The following PSMC2 variants were observed in gnomAD, a reference collection of about 807,000 sequenced individuals.
PSMC2 encodes 26S proteasome regulatory subunit 7.
Under a neutral mutation model 53.3 loss-of-function variants are expected in PSMC2, and 7 were observed. That is an observed-to-expected ratio of 0.13 (90% CI 0.07 to 0.25). The LOEUF (loss-of-function observed/expected upper bound fraction) is 0.25, where lower values mean the gene tolerates loss of function less well. PSMC2 is among the 10% of genes least tolerant of loss of function. PSMC2 has a pLI of 1.00. For missense variants in PSMC2, 241 were observed against 544.0 expected (o/e 0.44, Z 5.54); for synonymous variants, 169 against 183.9 (o/e 0.92, Z 0.66).
intron 1 of PSMC2, 98 bp downstream of exon 1, chr7:103,347,879 C>A: frequency 7.3e-7 from 1 of 1,377,774 alleles, no homozygotes; most frequent in Non-Finnish European, 1.0e-6. Flanking sequence ...TGGCTCTGTG[C>A]TCTGGCCCTT....
intron 5 of PSMC2, chr7:103,362,295 G>A: frequency 2.2e-6 from 3 of 1,393,534 alleles, no homozygotes; most frequent in Non-Finnish European, 2.8e-6. Context: ...TCCCACTGTT[G>A]TTTATTATGA....
chr7:103,362,795 T>G, intron 6 of PSMC2, 37 bp downstream of exon 6: 1 of 209,200 alleles, frequency 4.8e-6, no homozygotes. Flanking sequence ...AGGCTATGTC[T>G]TTTTTTTTTT....
In PSMC2 at chr7:103,353,864, T is replaced by A. The variant is rs572657849; in HGVS notation, c.71-57T>A. On this transcript the variant is annotated intron_variant, in intron 1 of 11. Coordinates refer to ENST00000292644, the MANE Select transcript of PSMC2 (RefSeq NM_002803.4). ...AGAAAAAAAGCTCTAGTTTCTTTTT[T>A]AAAAATTTTAATTCTAGTTTCTTTT... 2.4e-5 allele frequency: 35 copies of A among 1,478,580 alleles called. No individual in the cohort carries two copies. In the African/African-American group the frequency reaches 4.2e-4, roughly 18 times the overall value. The allele number at this position is 1,478,580 out of a possible 1,614,324, so 91.6% of individuals were successfully genotyped here. A position where few individuals can be genotyped will look rare whatever the true frequency, so the allele number is the denominator to read the frequency against.
In PSMC2 at chr7:103,367,453, G is replaced by C; in HGVS notation, c.885G>C (p.Val295=). The C allele has an allele frequency of 1.2e-6, 2 of 1,614,050 alleles. No homozygotes were observed. The highest frequency in any genetic ancestry group is 1.7e-6 in the Non-Finnish European group (2 of 1,180,008). Residue 295 remains valine, a synonymous_variant, in exon 10 of 12, where the codon GTG becomes GTC. Transcript: ENST00000292644. This position sits in a 1 kb window ranked among gnomAD's most constrained non-coding sequence, Gnocchi z 6.1. ...FDDGAGGDNE[V]QRTMLELINQ... ...ATGGTGCTGGAGGTGACAATGAAGTGCAGAGAACAATGTTGGAACTGATCA... is the reference window on the plus strand; with the variant it reads ...ATGGTGCTGGAGGTGACAATGAAGTCCAGAGAACAATGTTGGAACTGATCA...
intron 8 of PSMC2, among the ~76,000 whole-genome samples, chr7:103,364,958 C>CATACATATATATATATATATATATATAT (rs374432802): frequency 9.6e-5 from 12 of 125,484 alleles, no homozygotes; most frequent in African/African-American, 3.5e-4. Flanking sequence ...TGTAGACATA[C>CATACATATATATATATATATATATATAT]ATATATATAT....
chr7:103,361,231 C>T (rs921150625), intron 4 of PSMC2, among the ~76,000 whole-genome samples: 2 of 151,790 alleles, frequency 1.3e-5, no homozygotes, highest in African/African-American at 4.8e-5. Context: ...CGCCTGTAAT[C>T]CCAGCACTTT....
At chr7:103,351,257 A>G (rs1405495082) in intron 1 of PSMC2, among the ~76,000 whole-genome samples, 1 of 152,212 alleles carries the variant, frequency 6.6e-6, no homozygotes, top group Non-Finnish European at 1.5e-5. Context: ...ACTCATGGCT[A>G]TGATGTATTT....
At chr7:103,348,553 G>C (rs1011674879) in intron 1 of PSMC2, 16 of 765,146 alleles carry the variant, frequency 2.1e-5, no homozygotes, top group Non-Finnish European at 3.8e-5. Flanking sequence ...ATTTGTTGCT[G>C]TTATAAAACA....
At chr7:103,361,617 T>G (rs1820420428) in intron 4 of PSMC2, among the ~76,000 whole-genome samples, 1 of 151,750 alleles carries the variant, frequency 6.6e-6, no homozygotes, top group African/African-American at 2.4e-5. Context: ...GATGACCATC[T>G]TTTTGTAGGG....
Position 103,367,279 on chromosome 7 carries a change from G to C in PSMC2, c.845-134G>C. On this transcript the variant is annotated intron_variant, in intron 9 of 11. Transcript: ENST00000292644. The surrounding 1 kb of genome is among the most constrained non-coding windows in gnomAD (Gnocchi z 6.1). Reference sequence around the variant, plus strand: ...TTATATAAAGCAAGCTGTTCTTACAGGATTTGCTTCAAAGTGGGATGTCAC... The same window carrying C: ...TTATATAAAGCAAGCTGTTCTTACACGATTTGCTTCAAAGTGGGATGTCAC... The C allele has an allele frequency of 1.4e-6, 1 of 692,842 alleles. No individual in the cohort carries two copies. The highest frequency in any genetic ancestry group is 1.8e-5 in the South Asian group (1 of 54,272). 42.9% of individuals were successfully genotyped at this position (692,842 alleles called of 1,614,324 possible).
At chr7:103,366,609 A>T (rs1820732031) in intron 9 of PSMC2, among the ~76,000 whole-genome samples, 1 of 152,218 alleles carries the variant, frequency 6.6e-6, no homozygotes, top group African/African-American at 2.4e-5. Flanking sequence ...TGGGATGCTC[A>T]GTCTATATCT....
Position 103,347,784 on chromosome 7 carries a change from C to A in PSMC2, c.70+3C>A. ...GAAGGACGACAAGCCCATCCGAGGTCAGTTGACATGGGCCGGAGCTCGGAG... is the reference window on the plus strand; with the variant it reads ...GAAGGACGACAAGCCCATCCGAGGTAAGTTGACATGGGCCGGAGCTCGGAG... On this transcript the variant is annotated splice_donor_region_variant and intron_variant, in intron 1 of 11. Coordinates refer to ENST00000292644, the MANE Select transcript of PSMC2 (RefSeq NM_002803.4). 1 of 1,613,792 alleles carries A rather than the reference C, an allele frequency of 6.2e-7. No homozygotes were observed. The highest frequency in any genetic ancestry group is 1.1e-5 in the South Asian group (1 of 91,050).
At chr7:103,354,799 T>C (rs750235090) in intron 2 of PSMC2, 69 bp from the exon 3 acceptor site, 4 of 1,003,918 alleles carry the variant, frequency 4.0e-6, no homozygotes, top group Non-Finnish European at 6.1e-6. Flanking sequence ...TTAAAAATAA[T>C]TTTTACCTGT....
chr7:103,367,697 A>T lies in PSMC2; in HGVS notation c.1048-16A>T. 6.2e-7 allele frequency: 1 copy of T among 1,608,590 alleles called. No individual in the cohort carries two copies. Among genetic ancestry groups the T allele is most frequent in the Non-Finnish European group, 8.5e-7 (1 of 1,178,152 alleles). ...TTTTTTTCCATTTTAATATTTGTCA[A>T]TTTTCTCATTTTTAGGGTCGGACCC... On this transcript the variant is annotated splice_polypyrimidine_tract_variant and intron_variant, in intron 10 of 11. Transcript: ENST00000292644. The surrounding 1 kb of genome is among the most constrained non-coding windows in gnomAD (Gnocchi z 6.1).
chr7:103,359,532 T>G (rs1820253884), intron 4 of PSMC2, among the ~76,000 whole-genome samples: 1 of 152,188 alleles, frequency 6.6e-6, no homozygotes, highest in South Asian at 2.1e-4. Context: ...TTATCTACTT[T>G]CTGTTTCTAT....
At chr7:103,365,451 G>C (rs754677726) in intron 8 of PSMC2, among the ~76,000 whole-genome samples, 3 of 152,022 alleles carry the variant, frequency 2.0e-5, no homozygotes, top group Non-Finnish European at 4.4e-5. Flanking sequence ...GACCAACATG[G>C]AGAAACCCCG....
At position 103,367,276 on chromosome 7, in the gene PSMC2, A is replaced by G; in HGVS notation, c.845-137A>G. ...GTTTTATATAAAGCAAGCTGTTCTT[A>G]CAGGATTTGCTTCAAAGTGGGATGT... On this transcript the variant is annotated intron_variant, in intron 9 of 11. Coordinates refer to ENST00000292644, the MANE Select transcript of PSMC2 (RefSeq NM_002803.4). This position sits in a 1 kb window ranked among gnomAD's most constrained non-coding sequence, Gnocchi z 6.1. The G allele has an allele frequency of 1.5e-6, 1 of 678,880 alleles. No homozygotes were observed. Among genetic ancestry groups the G allele is most frequent in the East Asian group, 2.7e-5 (1 of 37,112 alleles). 42.1% of individuals were successfully genotyped at this position (678,880 alleles called of 1,614,324 possible). A position where few individuals can be genotyped will look rare whatever the true frequency, so the allele number is the denominator to read the frequency against.
intron 1 of PSMC2, among the ~76,000 whole-genome samples, chr7:103,349,747 G>T (rs1819687783): frequency 6.6e-6 from 1 of 152,214 alleles, no homozygotes; most frequent in African/African-American, 2.4e-5. Flanking sequence ...ACCGCGTCTA[G>T]CCTGATTAAG....
upstream of PSMC2, chr7:103,347,596 A>G: frequency 1.7e-6 from 2 of 1,197,028 alleles, no homozygotes; most frequent in Non-Finnish European, 2.5e-6. Flanking sequence ...CACTGCATAA[A>G]GGGGTCTGTC....
Sources: gnomAD v4.1 joint callset for allele counts (sites outside exome capture counted in the v4.1 genomes callset) on GRCh38, gnomAD v4.1.1 for gene constraint, Gnocchi (gnomAD v3.1) non-coding constraint, MANE v1.5 for transcripts, NCBI Gene and HGNC (gene_info 2026-07-23, HGNC 2026-07-21) for gene names.